The following ANKUB1 variants were observed in gnomAD, a reference collection of about 807,000 sequenced individuals.
ANKUB1 encodes the protein protein ANKUB1.
Under a neutral mutation model 49.3 loss-of-function variants are expected in ANKUB1, and 42 were observed. The observed-to-expected ratio is 0.85, with a 90% confidence interval of 0.67 to 1.10. The LOEUF (loss-of-function observed/expected upper bound fraction) is 1.10, where lower values mean the gene tolerates loss of function less well. ANKUB1 is among the 50% of genes least tolerant of loss of function. ANKUB1 has a pLI of 0.00. For missense variants in ANKUB1, 613 were observed against 642.0 expected, an observed-to-expected ratio of 0.95 and a Z score of 0.49; for synonymous variants, 222 against 231.0, an observed-to-expected ratio of 0.96 and a Z score of 0.35.
At chr3:149,777,629 G>T (rs192343102) in intron 3 of ANKUB1, among the ~76,000 whole-genome samples, 2 of 152,310 alleles carry the variant, frequency 1.3e-5, no homozygotes, top group Non-Finnish European at 2.9e-5. Flanking sequence ...TCTCAGCAAG[G>T]TTCCTCCGCT....
At chr3:149,783,617 G>A (rs1717962851) in intron 2 of ANKUB1, 1 of 152,190 alleles carries the variant, frequency 6.6e-6, no homozygotes, top group African/African-American at 2.4e-5. Flanking sequence ...AGTTTTGAAT[G>A]TACTGCTGTA....
chr3:149,765,275 C>T (rs529286889), intron 5 of ANKUB1, among the ~76,000 whole-genome samples: 10 of 152,116 alleles, frequency 6.6e-5, no homozygotes, highest in East Asian at 1.9e-4. Flanking sequence ...AAGTAATCTT[C>T]GGTGATAGAG....
At chr3:149,788,187 T>C (rs1348676314) in intron 2 of ANKUB1, among the ~76,000 whole-genome samples, 1 of 152,202 alleles carries the variant, frequency 6.6e-6, no homozygotes, top group African/African-American at 2.4e-5. Context: ...AAATCAGCCT[T>C]GGTAACCTGA....
At chr3:149,768,223 AT>A in intron 4 of ANKUB1, 128 bp from the exon 5 acceptor site, 1 of 754,080 alleles carries the variant, frequency 1.3e-6, no homozygotes, top group Non-Finnish European at 1.9e-6. Flanking sequence ...ACCTTAAAAT[AT>A]TTTTAGAAAA....
chr3:149,778,254 C>T (rs1163373376), intron 3 of ANKUB1: 1 of 152,238 alleles, frequency 6.6e-6, no homozygotes, highest in African/African-American at 2.4e-5. Flanking sequence ...CCAAAACAGC[C>T]TACTCAGGTC....
At chr3:149,772,553 G>C (rs1331806065) in intron 3 of ANKUB1, among the ~76,000 whole-genome samples, 1 of 152,122 alleles carries the variant, frequency 6.6e-6, no homozygotes, top group Non-Finnish European at 1.5e-5. Context: ...TATCTAAATA[G>C]CCTCCCATCA....
At position 149,767,555 on chromosome 3, in the gene ANKUB1, G is replaced by A. The variant is rs1306143389; in HGVS notation, c.1107C>T (p.Asp369=). The change falls in exon 5 of 6, where the codon GAC becomes GAT. Residue 369 remains aspartate, a synonymous_variant. Transcript: ENST00000446160. ...GTAGCTTGAGCACGATGCTTTGTGA[G>A]TCGCTGTTCCCAGCCTTATGCCAGC... is the stretch of plus-strand genomic sequence containing the variant. ...SKSWHKAGNS[D]SQSIVLKLPS... 3.2e-6 allele frequency: 5 copies of A among 1,551,578 alleles called. No individual in the cohort carries two copies. In the Admixed American group the frequency reaches 9.8e-5, roughly 30 times the overall value.
chr3:149,762,152 A>C (rs13072089), intron 5 of ANKUB1, among the ~76,000 whole-genome samples: 80,406 of 151,902 alleles, frequency 0.53, 21,678 homozygotes, highest in African/African-American at 0.63. Context: ...GTTTTACATC[A>C]CCTTAAATGT....
Position 149,761,122 on chromosome 3 carries a change from A to T in ANKUB1, c.*362T>A, listed in dbSNP as rs1367025258. On this transcript the variant is annotated 3_prime_UTR_variant, in exon 6 of 6. Transcript: ENST00000446160. The stretch of plus-strand genomic sequence containing the variant: ...TTATTTTTAAATATGTTCTACATTC[A>T]TATGGCTTAAAAAACCAAAACACAT... The T allele has an allele frequency of 6.5e-6, 1 of 154,668 alleles. No individual in the cohort carries two copies. Among genetic ancestry groups the T allele is most frequent in the Non-Finnish European group, 1.4e-5 (1 of 69,800 alleles). 9.6% of individuals were successfully genotyped at this position (154,668 alleles called of 1,614,324 possible). A position where few individuals can be genotyped will look rare whatever the true frequency, so the allele number is the denominator to read the frequency against.
chr3:149,761,879 T>C (rs1716798878), intron 5 of ANKUB1, among the ~76,000 whole-genome samples: 2 of 152,198 alleles, frequency 1.3e-5, no homozygotes. Flanking sequence ...ATTCTCTGGG[T>C]TGAAACTTTT....
At chr3:149,787,574 C>T (rs550459045) in intron 2 of ANKUB1, among the ~76,000 whole-genome samples, 188 of 152,112 alleles carry the variant, frequency 1.2e-3, no homozygotes, top group African/African-American at 4.4e-3. Context: ...TTTCTCTTGC[C>T]TGATTGCCCT....
intron 4 of ANKUB1, among the ~76,000 whole-genome samples, chr3:149,769,464 A>G (rs1717227594): frequency 6.6e-6 from 1 of 152,202 alleles, no homozygotes; most frequent in Non-Finnish European, 1.5e-5. Context: ...CTGAATGTGA[A>G]ATTGGCAAGA....
intron 2 of ANKUB1, chr3:149,783,264 T>C (rs1461937842): frequency 6.6e-6 from 1 of 152,224 alleles, no homozygotes; most frequent in Non-Finnish European, 1.5e-5. Flanking sequence ...TCTGTCTATA[T>C]GATACTCCTC....
rs371903539 is a variant in ANKUB1, at chr3:149,770,932, A to G, written c.452-258T>C. 2.0e-5 allele frequency among the ~76,000 whole-genome samples: 3 copies of G among 152,182 alleles called. No individual in the cohort carries two copies. In the East Asian group the frequency reaches 5.8e-4, roughly 29 times the overall value. On this transcript the variant is annotated intron_variant, in intron 3 of 5. Transcript: ENST00000446160. Reference sequence around the variant, plus strand: ...AGCACTGAAGTATTTTTTTGCAGCTATCTTAAAACAGTCTTGTGGAGATTG... The same window carrying G: ...AGCACTGAAGTATTTTTTTGCAGCTGTCTTAAAACAGTCTTGTGGAGATTG...
intron 2 of ANKUB1, among the ~76,000 whole-genome samples, chr3:149,780,946 T>C (rs1717838757): frequency 6.6e-6 from 1 of 152,088 alleles, no homozygotes. Flanking sequence ...ATGGTTTGAC[T>C]TTTTTAAAAG....
At chr3:149,786,965 G>A (rs539086259) in intron 2 of ANKUB1, among the ~76,000 whole-genome samples, 10 of 152,136 alleles carry the variant, frequency 6.6e-5, no homozygotes, top group Non-Finnish European at 1.3e-4. Flanking sequence ...ATGCTGTTTT[G>A]GTTACTTTAG....
intron 5 of ANKUB1, among the ~76,000 whole-genome samples, chr3:149,763,062 A>G (rs901966853): frequency 1.3e-5 from 2 of 152,224 alleles, no homozygotes; most frequent in African/African-American, 4.8e-5. Context: ...TAGTGTTTCC[A>G]ACATTTGAAC....
Position 149,761,232 on chromosome 3 carries a change from C to G in ANKUB1, c.*252G>C, listed in dbSNP as rs1290971606. On this transcript the variant is annotated 3_prime_UTR_variant, in exon 6 of 6. Transcript: ENST00000446160. ...TTTTCCATTGTCTCAGCTCCCCTAC[C>G]CTGTGGACAACTACTATTCTAAGTT... is the stretch of plus-strand genomic sequence containing the variant. 2 of 316,672 alleles carry G rather than the reference C, an allele frequency of 6.3e-6. No individual in the cohort carries two copies. The highest frequency in any genetic ancestry group is 1.1e-5 in the Non-Finnish European group (2 of 174,116). 19.6% of individuals were successfully genotyped at this position (316,672 alleles called of 1,614,324 possible). A position where few individuals can be genotyped will look rare whatever the true frequency, so the allele number is the denominator to read the frequency against.
chr3:149,778,009 T>G lies in ANKUB1; in HGVS notation c.451+2230A>C, dbSNP rs543751776. 2.0e-5 allele frequency among the ~76,000 whole-genome samples: 3 copies of G among 152,344 alleles called. No homozygotes were observed. The East Asian group carries it at 5.8e-4, about 29-fold the overall frequency. On this transcript the variant is annotated intron_variant, in intron 3 of 5. Transcript: ENST00000446160. ...GGAAAAGGGGCCAAGGTTCAACTCC[T>G]GATAGCAGCAGGGATGATTCATTGG...
Sources: gnomAD v4.1 joint callset for allele counts (sites outside exome capture counted in the v4.1 genomes callset) on GRCh38, gnomAD v4.1.1 for gene constraint, MANE v1.5 for transcripts, NCBI Gene and HGNC (gene_info 2026-07-23, HGNC 2026-07-21) for gene names.